The following SPAG16 variants were observed in gnomAD, a reference collection of about 807,000 sequenced individuals.
SPAG16 encodes sperm-associated antigen 16 protein.
Under a neutral mutation model 80.4 loss-of-function variants are expected in SPAG16, and 86 were observed. The observed-to-expected ratio is 1.07, with a 90% CI of 0.90 to 1.28. The LOEUF is 1.28. Among genes scored for constraint, SPAG16 ranks in the 50% most tolerant of loss-of-function variants. The pLI is 0.00. For missense variants in SPAG16, 870 were observed against 765.3 expected (o/e 1.14, Z -1.61); for synonymous variants, 294 against 265.9 (o/e 1.11, Z -1.03).
intron 15 of SPAG16, among the ~76,000 whole-genome samples, chr2:214,205,390 G>T (rs1576491580): frequency 6.6e-6 from 1 of 152,098 alleles, no homozygotes; most frequent in Non-Finnish European, 1.5e-5. Flanking sequence ...TACTTTTGAT[G>T]CCTTGTTGTT....
At chr2:214,289,521 T>G (rs1356963747) in intron 15 of SPAG16, among the ~76,000 whole-genome samples, 1 of 152,186 alleles carries the variant, frequency 6.6e-6, no homozygotes, top group South Asian at 2.1e-4. Context: ...AATGCCTTTA[T>G]CAAAAATAAG....
At chr2:214,320,809 A>G (rs960601931) in intron 15 of SPAG16, among the ~76,000 whole-genome samples, 1 of 152,252 alleles carries the variant, frequency 6.6e-6, no homozygotes, top group Non-Finnish European at 1.5e-5. Context: ...TGACAATTCA[A>G]GATGAGATTT....
chr2:214,211,087 A>T (rs2058280998), intron 15 of SPAG16, among the ~76,000 whole-genome samples: 1 of 152,026 alleles, frequency 6.6e-6, no homozygotes, highest in African/African-American at 2.4e-5. Context: ...TTTATTTTTT[A>T]CTCTTGAGCA....
intron 14 of SPAG16, among the ~76,000 whole-genome samples, chr2:214,123,537 T>A (rs2054322765): frequency 6.6e-6 from 1 of 152,016 alleles, no homozygotes; most frequent in Admixed American, 6.6e-5. Flanking sequence ...CTAATCTAAA[T>A]AGTGAGAGTT....
chr2:214,021,199 G>A (rs990762253), intron 13 of SPAG16, among the ~76,000 whole-genome samples: 21 of 152,024 alleles, frequency 1.4e-4, no homozygotes, highest in African/African-American at 4.6e-4. Context: ...AATTTTGTGG[G>A]AGTAGAAAAC....
intron 14 of SPAG16, among the ~76,000 whole-genome samples, chr2:214,144,596 A>G (rs546132549): frequency 2.0e-5 from 3 of 152,266 alleles, no homozygotes; most frequent in East Asian, 3.9e-4. Flanking sequence ...TCATGTATAC[A>G]TAGTTGATGT....
chr2:214,261,606 T>C (rs1691181727), intron 15 of SPAG16, among the ~76,000 whole-genome samples: 1 of 152,192 alleles, frequency 6.6e-6, no homozygotes, highest in African/African-American at 2.4e-5. Flanking sequence ...ATCACACACA[T>C]TTGCCCTTTA....
chr2:214,373,811 T>C (rs1699959630), intron 15 of SPAG16, among the ~76,000 whole-genome samples: 2 of 152,214 alleles, frequency 1.3e-5, no homozygotes. Flanking sequence ...CAGATTTTAC[T>C]TTCTCATAGC....
intron 13 of SPAG16, among the ~76,000 whole-genome samples, chr2:214,105,033 C>T (rs998002578): frequency 6.6e-6 from 1 of 152,074 alleles, no homozygotes; most frequent in African/African-American, 2.4e-5. Context: ...GCAGAAGTGG[C>T]AATTTATCCA....
chr2:214,298,749 G>C (rs1694330187), intron 15 of SPAG16, among the ~76,000 whole-genome samples: 1 of 152,042 alleles, frequency 6.6e-6, no homozygotes, highest in African/African-American at 2.4e-5. Context: ...AACAGTTTTA[G>C]TTTTCCCTAG....
At chr2:213,892,202 T>C (rs1158741924) in intron 11 of SPAG16, among the ~76,000 whole-genome samples, 1 of 152,048 alleles carries the variant, frequency 6.6e-6, no homozygotes, top group East Asian at 1.9e-4. Flanking sequence ...CTTTAGGACC[T>C]TCTCCACTTG....
At chr2:214,242,531 T>C (rs1046854232) in intron 15 of SPAG16, among the ~76,000 whole-genome samples, 2 of 152,186 alleles carry the variant, frequency 1.3e-5, no homozygotes, top group Admixed American at 6.5e-5. Flanking sequence ...TCTTGACCAG[T>C]AAGAAGTCTC....
chr2:214,390,028 C>T (rs573725369), intron 15 of SPAG16, among the ~76,000 whole-genome samples: 1 of 152,292 alleles, frequency 6.6e-6, no homozygotes, highest in South Asian at 2.1e-4. Flanking sequence ...AAGCCCGACA[C>T]TATGTGTAGG....
At chr2:213,627,120 A>G (rs2061989456) in intron 10 of SPAG16, among the ~76,000 whole-genome samples, 1 of 152,204 alleles carries the variant, frequency 6.6e-6, no homozygotes, top group Non-Finnish European at 1.5e-5. Context: ...GGAAAAAGAT[A>G]ACACAGGAAC....
chr2:213,670,626 T>C (rs929139850), intron 10 of SPAG16, among the ~76,000 whole-genome samples: 2 of 152,146 alleles, frequency 1.3e-5, no homozygotes, highest in African/African-American at 4.8e-5. Context: ...AAATAAAAGA[T>C]AATTTTTTCA....
intron 12 of SPAG16, among the ~76,000 whole-genome samples, chr2:213,930,651 A>C (rs2078708811): frequency 6.6e-6 from 1 of 152,198 alleles, no homozygotes; most frequent in Non-Finnish European, 1.5e-5. Flanking sequence ...TGTATGTAAA[A>C]TCCTATACAT....
intron 15 of SPAG16, among the ~76,000 whole-genome samples, chr2:214,404,079 A>G (rs528818244): frequency 6.6e-6 from 1 of 152,338 alleles, no homozygotes; most frequent in African/African-American, 2.4e-5. Context: ...AAGGTAGGGA[A>G]GTGAAAAATA....
At chr2:213,470,762 G>A (rs1286092320) in intron 9 of SPAG16, among the ~76,000 whole-genome samples, 3 of 152,202 alleles carry the variant, frequency 2.0e-5, no homozygotes, top group Admixed American at 6.5e-5. Flanking sequence ...TCCACAGAAC[G>A]GGTCATCCTA....
At chr2:213,420,518 G>A (rs1035887139) in intron 9 of SPAG16, among the ~76,000 whole-genome samples, 2 of 152,176 alleles carry the variant, frequency 1.3e-5, no homozygotes, top group African/African-American at 4.8e-5. Flanking sequence ...GAAAGTCAAA[G>A]GCCAAGAAAA....
Sources: allele counts gnomAD v4.1 joint callset (sites outside exome capture counted in the v4.1 genomes callset), GRCh38; gene constraint gnomAD v4.1.1; transcripts MANE v1.5; gene names NCBI Gene and HGNC (gene_info 2026-07-23, HGNC 2026-07-21).